The following COL23A1 variants were observed in gnomAD, a reference collection of about 807,000 sequenced individuals.
COL23A1 encodes the protein collagen alpha-1(XXIII) chain.
A neutral mutation model predicts 99.3 loss-of-function variants in COL23A1; 97 were observed. The observed-to-expected ratio is 0.98, with a 90% CI of 0.83 to 1.16. The LOEUF (loss-of-function observed/expected upper bound fraction) is 1.16. Among genes scored for constraint, COL23A1 ranks in the 50% most tolerant of loss-of-function variants. COL23A1 has a pLI of 0.00. For synonymous variants in COL23A1, 320 were observed against 308.2 expected, an observed-to-expected ratio of 1.04 and a Z score of -0.40; for missense variants, 762 against 757.4, an observed-to-expected ratio of 1.01 and a Z score of -0.07.
intron 2 of COL23A1, among the ~76,000 whole-genome samples, chr5:178,403,118 A>AT: frequency 7.7e-6 from 1 of 129,720 alleles, no homozygotes; most frequent in African/African-American, 3.8e-5. Flanking sequence ...CAAAAAAAAA[A>AT]AAAATAAATA....
chr5:178,331,551 C>A (rs1581167316), intron 2 of COL23A1, among the ~76,000 whole-genome samples: 1 of 152,222 alleles, frequency 6.6e-6, no homozygotes, highest in Admixed American at 6.5e-5. Context: ...CCCAAGGAAT[C>A]CGCGGCCCTC....
chr5:178,558,447 CTG>C (rs1762394433), intron 2 of COL23A1, among the ~76,000 whole-genome samples: 1 of 152,124 alleles, frequency 6.6e-6, no homozygotes, highest in African/African-American at 2.4e-5. Context: ...TTCAAGCCTT[CTG>C]TTAGTAACCC....
chr5:178,353,481 G>A (rs984117612), intron 2 of COL23A1, among the ~76,000 whole-genome samples: 7 of 152,164 alleles, frequency 4.6e-5, no homozygotes, highest in Non-Finnish European at 8.8e-5. Flanking sequence ...AATCGGTGAG[G>A]AAGATGTGAA....
At chr5:178,391,564 A>G (rs1763964277) in intron 2 of COL23A1, among the ~76,000 whole-genome samples, 1 of 152,200 alleles carries the variant, frequency 6.6e-6, no homozygotes, top group Non-Finnish European at 1.5e-5. Context: ...GCCAGAATAA[A>G]AGAGTCAGAC....
chr5:178,580,583 T>C (rs1763615325), intron 1 of COL23A1, among the ~76,000 whole-genome samples: 1 of 152,138 alleles, frequency 6.6e-6, no homozygotes, highest in African/African-American at 2.4e-5. Context: ...ATTCAACACA[T>C]GATGAAAACT....
intron 2 of COL23A1, among the ~76,000 whole-genome samples, chr5:178,403,876 G>A (rs1561941467): frequency 6.6e-6 from 1 of 152,264 alleles, no homozygotes; most frequent in Non-Finnish European, 1.5e-5. Flanking sequence ...TGGCCCAGAA[G>A]GGCAGACCTG....
At position 178,316,483 on chromosome 5, in the gene COL23A1, T is replaced by G. The variant is rs184654697; in HGVS notation, c.362-9564A>C. ...TTTCATCAAATTCAGTGTGGAGCTT[T>G]GGAGACTCATTGAACAGTTCTTTCC... On this transcript the variant is annotated intron_variant, in intron 2 of 28. Transcript: ENST00000390654. 1.0e-3 allele frequency among the ~76,000 whole-genome samples: 152 copies of G among 152,322 alleles called. 2 individuals are homozygous for G. In the South Asian group the frequency reaches 0.021, roughly 21 times the overall value.
chr5:178,409,243 G>A (rs1764940166), intron 2 of COL23A1, among the ~76,000 whole-genome samples: 1 of 152,132 alleles, frequency 6.6e-6, no homozygotes, highest in Non-Finnish European at 1.5e-5. Context: ...AAAAATGAAT[G>A]AACTATTGAT....
At chr5:178,467,581 G>A (rs777667151) in intron 2 of COL23A1, among the ~76,000 whole-genome samples, 1 of 152,084 alleles carries the variant, frequency 6.6e-6, no homozygotes, top group Non-Finnish European at 1.5e-5. Flanking sequence ...ATTGTGCGAG[G>A]GTTTGAAGGA....
intron 1 of COL23A1, chr5:178,562,733 T>TGGGGGGGGGGGGGGGGGGGGGGGG (rs879632255): frequency 1.0e-5 from 1 of 97,660 alleles, no homozygotes; most frequent in Admixed American, 1.0e-4. Context: ...CGCTGGCTGG[T>TGGGGGGGGGGGGGGGGGGGGGGGG]GGTGGGGGGG....
chr5:178,323,115 G>C (rs903264401), intron 2 of COL23A1, among the ~76,000 whole-genome samples: 2 of 152,030 alleles, frequency 1.3e-5, no homozygotes, highest in African/African-American at 4.8e-5. Context: ...TGGATCTGGG[G>C]CAGCAGAAGG....
At position 178,552,708 on chromosome 5, in the gene COL23A1, A is replaced by C. The variant is rs1366486055; in HGVS notation, c.361+7974T>G. 1.4e-4 allele frequency among the ~76,000 whole-genome samples: 5 copies of C among 35,952 alleles called. 1 individual carries two copies. The highest frequency in any genetic ancestry group is 0.062 in the Middle Eastern group (2 of 32). The allele number at this position is 35,952 out of a possible 152,430, so 23.6% of individuals were successfully genotyped here. On this transcript the variant is annotated intron_variant, in intron 2 of 28. Transcript: ENST00000390654. The stretch of plus-strand genomic sequence containing the variant: ...GCTCCTAACTCACCAAAAAAAATTA[A>C]AAAAAAAAAAAAAAAAATTTTTTTC...
intron 2 of COL23A1, among the ~76,000 whole-genome samples, chr5:178,323,954 G>A (rs1759492874): frequency 6.6e-6 from 1 of 152,178 alleles, no homozygotes; most frequent in African/African-American, 2.4e-5. Context: ...ATGAAAACCC[G>A]GATGTGTTCA....
intron 1 of COL23A1, among the ~76,000 whole-genome samples, chr5:178,578,211 TAC>T (rs1333334092): frequency 7.9e-5 from 12 of 151,792 alleles, no homozygotes; most frequent in Admixed American, 3.9e-4. Context: ...TACACCCATG[TAC>T]ACACACATAT....
intron 2 of COL23A1, among the ~76,000 whole-genome samples, chr5:178,402,800 CAA>C (rs1480320403): frequency 6.6e-6 from 1 of 151,942 alleles, no homozygotes; most frequent in African/African-American, 2.4e-5. Context: ...ATGAACGTAT[CAA>C]AATATCACGT....
chr5:178,589,890 G>T lies in COL23A1; in HGVS notation c.294+14C>A. ...ACACCCAAGTCCGCCCCAGCCACGC[G>T]CCAAGACGCTCACCTCCCGCAGCAG... On this transcript the variant is annotated intron_variant, in intron 1 of 28. Coordinates refer to ENST00000390654, the MANE Select transcript of COL23A1 (RefSeq NM_173465.4). The surrounding 1 kb of genome is among the most constrained non-coding windows in gnomAD (Gnocchi z 5.4). 1 of 1,303,874 alleles carries T rather than the reference G, an allele frequency of 7.7e-7. No homozygotes were observed. Among genetic ancestry groups the T allele is most frequent in the Non-Finnish European group, 9.7e-7 (1 of 1,031,558 alleles). 80.8% of individuals were successfully genotyped at this position (1,303,874 alleles called of 1,614,324 possible).
At chr5:178,508,879 C>T (rs1390539978) in intron 2 of COL23A1, among the ~76,000 whole-genome samples, 1 of 152,186 alleles carries the variant, frequency 6.6e-6, no homozygotes, top group Non-Finnish European at 1.5e-5. Flanking sequence ...CCCATCATAA[C>T]AGTCTTCTTA....
At chr5:178,555,454 T>C (rs1762220722) in intron 2 of COL23A1, among the ~76,000 whole-genome samples, 3 of 152,136 alleles carry the variant, frequency 2.0e-5, no homozygotes, top group Admixed American at 2.0e-4. Context: ...CATAGGTCAC[T>C]CCAGCAGAGG....
intron 2 of COL23A1, among the ~76,000 whole-genome samples, chr5:178,482,879 G>C (rs1225441835): frequency 1.3e-5 from 2 of 151,964 alleles, no homozygotes; most frequent in Non-Finnish European, 2.9e-5. Context: ...TCCTGCCTGG[G>C]CAACAGAGAG....
Sources: allele counts gnomAD v4.1 joint callset (sites outside exome capture counted in the v4.1 genomes callset), GRCh38; gene constraint gnomAD v4.1.1; non-coding constraint Gnocchi (gnomAD v3.1); transcripts MANE v1.5; gene names NCBI Gene and HGNC (gene_info 2026-07-23, HGNC 2026-07-21).